PATJ: variants seen among roughly 807,000 people sequenced by gnomAD.
The protein encoded by PATJ is inaD-like protein.
A neutral mutation model predicts 224.9 loss-of-function variants in PATJ; 190 were observed. The observed-to-expected ratio is 0.84, with a 90% CI of 0.75 to 0.95. PATJ has a LOEUF of 0.95. Among genes scored for constraint, PATJ ranks in the 40% least tolerant of loss-of-function variants. PATJ has a pLI of 0.00. For missense variants in PATJ, 2,121 were observed against 2,270.3 expected (o/e 0.93, Z 1.34); for synonymous variants, 769 against 820.3 (o/e 0.94, Z 1.07).
intron 14 of PATJ, among the ~76,000 whole-genome samples, chr1:61,818,664 G>T (rs1392332026): frequency 1.3e-5 from 2 of 152,174 alleles, no homozygotes; most frequent in Non-Finnish European, 2.9e-5. Context: ...CATTGTTTCT[G>T]GTTTATTTGT....
At chr1:61,910,232 T>C (rs1458434611) in intron 25 of PATJ, among the ~76,000 whole-genome samples, 2 of 152,196 alleles carry the variant, frequency 1.3e-5, no homozygotes, top group African/African-American at 4.8e-5. Flanking sequence ...GTGAATGACC[T>C]GCCAAAAAGG....
At chr1:61,875,212 C>G (rs1557801197) in intron 20 of PATJ, 31 bp from the exon 21 acceptor site, 2 of 1,449,344 alleles carry the variant, frequency 1.4e-6, no homozygotes, top group East Asian at 4.6e-5. Context: ...TCATAAAGTA[C>G]TAATGCATTT....
chr1:61,948,936 C>T (rs1257580881), intron 27 of PATJ, among the ~76,000 whole-genome samples: 3 of 151,964 alleles, frequency 2.0e-5, no homozygotes, highest in African/African-American at 7.3e-5. Flanking sequence ...AAGCTGGAAA[C>T]CATCATTCTC....
At chr1:61,842,517 G>A (rs1007277660) in intron 17 of PATJ, among the ~76,000 whole-genome samples, 2 of 151,984 alleles carry the variant, frequency 1.3e-5, no homozygotes, top group African/African-American at 4.8e-5. Flanking sequence ...AGGAGGAGAG[G>A]ATCCTGAAGA....
intron 27 of PATJ, among the ~76,000 whole-genome samples, chr1:61,963,585 G>C (rs1330269255): frequency 1.3e-5 from 2 of 152,028 alleles, no homozygotes; most frequent in African/African-American, 4.8e-5. Context: ...GACAGAGTGA[G>C]ACTCTGTCTC....
chr1:61,779,763 G>A (rs978528534), intron 7 of PATJ, among the ~76,000 whole-genome samples: 25 of 152,166 alleles, frequency 1.6e-4, no homozygotes, highest in African/African-American at 6.0e-4. Context: ...ATCTGAGGAT[G>A]GGTAATTTAA....
At chr1:61,828,160 T>C (rs2148758319) in intron 16 of PATJ, among the ~76,000 whole-genome samples, 1 of 151,844 alleles carries the variant, frequency 6.6e-6, no homozygotes, top group Non-Finnish European at 1.5e-5. Flanking sequence ...GGAAAATCAC[T>C]TGAAGCCGGG....
At chr1:61,888,767 A>C (rs1669213477) in intron 22 of PATJ, among the ~76,000 whole-genome samples, 1 of 152,130 alleles carries the variant, frequency 6.6e-6, no homozygotes, top group Non-Finnish European at 1.5e-5. Context: ...GTTCTTACTC[A>C]ATTTGACCCC....
In PATJ at chr1:61,909,115, G is replaced by A. The variant is rs140459801; in HGVS notation, c.3492+633G>A. Among the ~76,000 whole-genome samples the A allele has an allele frequency of 2.9e-3, 448 of 152,222 alleles. 3 individuals are homozygous for A. The highest frequency in any genetic ancestry group is 1.0e-2 in the African/African-American group (415 of 41,546). ...GTGCCTCAGCCTCCCGAGTAGCTGG[G>A]ATTACAAGCATGTGCCACCATGCTC... On this transcript the variant is annotated intron_variant, in intron 25 of 43. Coordinates refer to ENST00000642238, the MANE Select transcript of PATJ (RefSeq NM_001350145.3).
intron 30 of PATJ, among the ~76,000 whole-genome samples, chr1:62,046,380 A>G (rs1652577849): frequency 6.6e-6 from 1 of 152,202 alleles, no homozygotes; most frequent in Admixed American, 6.5e-5. Context: ...TCTCCTAGAA[A>G]GTAAATGCTT....
intron 23 of PATJ, among the ~76,000 whole-genome samples, chr1:61,900,606 T>C (rs1414717963): frequency 6.7e-6 from 1 of 149,844 alleles, no homozygotes; most frequent in East Asian, 2.0e-4. Context: ...TTCTTTTTTT[T>C]TGAGACGGAG....
intron 17 of PATJ, among the ~76,000 whole-genome samples, chr1:61,838,031 A>G (rs1477513218): frequency 6.6e-6 from 1 of 152,200 alleles, no homozygotes; most frequent in East Asian, 1.9e-4. Context: ...TTCATTAAAG[A>G]CATTTTAAAT....
At chr1:61,742,825 G>T (rs111422470) in intron 1 of PATJ, among the ~76,000 whole-genome samples, 1 of 150,642 alleles carries the variant, frequency 6.6e-6, no homozygotes, top group African/African-American at 2.4e-5. Flanking sequence ...CCTGCGTCGG[G>T]CCCGGGTGAC....
At chr1:61,917,043 G>C (rs1468715740) in intron 26 of PATJ, among the ~76,000 whole-genome samples, 1 of 152,174 alleles carries the variant, frequency 6.6e-6, no homozygotes, top group Non-Finnish European at 1.5e-5. Flanking sequence ...CAACTGAGGA[G>C]GTTAGGAATC....
At chr1:61,832,159 C>T (rs745419428) in intron 16 of PATJ, among the ~76,000 whole-genome samples, 8 of 152,000 alleles carry the variant, frequency 5.3e-5, no homozygotes, top group South Asian at 2.1e-4. Flanking sequence ...GAACAATATA[C>T]GCTGGGGCCT....
At position 61,937,954 on chromosome 1, in the gene PATJ, G is replaced by T. The variant is rs187557146; in HGVS notation, c.3670+10125G>T. The stretch of plus-strand genomic sequence containing the variant: ...CATGAGCCACCACGCCTGGCCTAGG[G>T]ACTTGCCTTTTTTTGTATCTGAATC... On this transcript the variant is annotated intron_variant, in intron 27 of 43. Coordinates refer to ENST00000642238, the MANE Select transcript of PATJ (RefSeq NM_001350145.3). 4.8e-4 allele frequency among the ~76,000 whole-genome samples: 73 copies of T among 152,216 alleles called. 1 individual carries two copies. The highest frequency in any genetic ancestry group is 1.6e-3 in the African/African-American group (65 of 41,538).
chr1:61,770,269 C>T (rs1646524304), intron 5 of PATJ, among the ~76,000 whole-genome samples: 1 of 152,054 alleles, frequency 6.6e-6, no homozygotes, highest in Admixed American at 6.6e-5. Context: ...AATGGGTAAA[C>T]AGGAAGAGGA....
intron 38 of PATJ, among the ~76,000 whole-genome samples, 196 bp downstream of exon 38, chr1:62,121,491 A>C (rs1665044505): frequency 1.3e-5 from 2 of 152,140 alleles, no homozygotes; most frequent in Non-Finnish European, 2.9e-5. Context: ...GTGGCCAGGC[A>C]TGGTGGCTCA....
At chr1:61,959,174 T>C (rs1680864648) in intron 27 of PATJ, among the ~76,000 whole-genome samples, 1 of 152,048 alleles carries the variant, frequency 6.6e-6, no homozygotes. Flanking sequence ...GATGAATAGA[T>C]GATACTTCAT....
Sources: allele counts gnomAD v4.1 joint callset (sites outside exome capture counted in the v4.1 genomes callset), GRCh38; gene constraint gnomAD v4.1.1; transcripts MANE v1.5; gene names NCBI Gene and HGNC (gene_info 2026-07-23, HGNC 2026-07-21).